The following AMMECR1 variants were observed in gnomAD, a reference collection of about 807,000 sequenced individuals.
AMMECR1 encodes the protein nuclear protein AMMECR1.
A neutral mutation model predicts 22.5 loss-of-function variants in AMMECR1; 3 were observed. The ratio of observed to expected loss-of-function variants is 0.13; its 90% CI spans 0.06 to 0.35. AMMECR1 has a LOEUF of 0.35. Among genes scored for constraint, AMMECR1 ranks in the 10% least tolerant of loss-of-function variants. AMMECR1 has a pLI of 1.00. For missense variants in AMMECR1, 235 were observed against 278.7 expected (o/e 0.84, Z 1.12); for synonymous variants, 130 against 116.7 (o/e 1.11, Z -0.74).
intron 2 of AMMECR1, among the ~76,000 whole-genome samples, chrX:110,251,990 C>T (rs139450014): frequency 0.013 from 1,409 of 111,927 alleles, 21 homozygotes; most frequent in African/African-American, 0.043. Flanking sequence ...CTTCCTGAAG[C>T]AGAAATATAA....
At chrX:110,215,869 T>C (rs2067471029) in intron 3 of AMMECR1, among the ~76,000 whole-genome samples, 1 of 111,537 alleles carries the variant, frequency 9.0e-6, no homozygotes, top group East Asian at 2.8e-4. Context: ...CAAATCATGG[T>C]GAGAACCTTT....
intron 2 of AMMECR1, among the ~76,000 whole-genome samples, chrX:110,413,868 G>A (rs2068658978): frequency 9.0e-6 from 1 of 111,238 alleles, no homozygotes; most frequent in Admixed American, 9.5e-5. Context: ...TATGTGCCAG[G>A]CATATACTAC....
intron 2 of AMMECR1, among the ~76,000 whole-genome samples, chrX:110,350,599 T>C (rs187438767): frequency 8.9e-6 from 1 of 111,972 alleles, no homozygotes; most frequent in Non-Finnish European, 1.9e-5. Flanking sequence ...CATTCAGCAA[T>C]TTGCAGGAGA....
In AMMECR1 at chrX:110,417,599, T is replaced by G. The variant is rs928148110; in HGVS notation, c.-148+9059A>C. On this transcript the variant is annotated intron_variant, in intron 2 of 7. Coordinates refer to the AMMECR1 transcript ENST00000372057. The stretch of plus-strand genomic sequence containing the variant: ...TGGGTAAACTATTATCACTTCATTT[T>G]ATACACATGAGGAAACAGAGCCTCA... 3.6e-5 allele frequency among the ~76,000 whole-genome samples: 4 copies of G among 112,040 alleles called. No homozygotes were observed. The Admixed American group carries it at 3.8e-4, about 11-fold the overall frequency.
chrX:110,426,821 G>A (rs1418111569), intron 1 of AMMECR1: 2 of 111,914 alleles, frequency 1.8e-5, no homozygotes, highest in African/African-American at 3.3e-5. Context: ...TAGGGATTGA[G>A]TGGACAATGA....
intron 2 of AMMECR1, among the ~76,000 whole-genome samples, chrX:110,344,026 G>A (rs1186867779): frequency 1.3e-4 from 14 of 111,460 alleles, no homozygotes; most frequent in Admixed American, 2.9e-4. Context: ...AAAAGAGCCC[G>A]CATTGCCAAA....
At chrX:110,257,574 G>T (rs931122883) in intron 2 of AMMECR1, among the ~76,000 whole-genome samples, 1 of 111,520 alleles carries the variant, frequency 9.0e-6, no homozygotes, top group Non-Finnish European at 1.9e-5. Flanking sequence ...TGATTTACAC[G>T]CATCCCTATA....
intron 1 of AMMECR1, among the ~76,000 whole-genome samples, chrX:110,428,261 G>A (rs766336402): frequency 4.6e-4 from 51 of 111,483 alleles, no homozygotes; most frequent in East Asian, 1.7e-3. Context: ...CTAGGCTCCC[G>A]CAACAATCTA....
At chrX:110,400,466 G>T (rs1351523656) in intron 2 of AMMECR1, among the ~76,000 whole-genome samples, 2 of 109,821 alleles carry the variant, frequency 1.8e-5, no homozygotes, top group Non-Finnish European at 3.8e-5. Context: ...TCTTTTCTCT[G>T]CTCAGAAGTG....
At chrX:110,380,095 G>A (rs2068408222) in intron 2 of AMMECR1, among the ~76,000 whole-genome samples, 1 of 111,515 alleles carries the variant, frequency 9.0e-6, no homozygotes, top group African/African-American at 3.3e-5. Flanking sequence ...TCTGGTACAG[G>A]TGGTGTTTCA....
chrX:110,427,716 C>A (rs2068764294), intron 1 of AMMECR1, among the ~76,000 whole-genome samples: 1 of 112,278 alleles, frequency 8.9e-6, no homozygotes. Context: ...GTCCAAACTC[C>A]TTAGCTTGGC....
intron 1 of AMMECR1, among the ~76,000 whole-genome samples, chrX:110,300,939 A>G (rs1224154892): frequency 1.8e-5 from 2 of 111,542 alleles, no homozygotes; most frequent in African/African-American, 6.5e-5. Flanking sequence ...GTTTACAACA[A>G]CTGATTTAAA....
intron 2 of AMMECR1, among the ~76,000 whole-genome samples, chrX:110,363,002 C>G (rs73636957): frequency 0.04 from 4,519 of 111,990 alleles, 216 homozygotes; most frequent in African/African-American, 0.14. Context: ...GAAAAGGAAG[C>G]TAGCATTTCA....
intron 1 of AMMECR1, among the ~76,000 whole-genome samples, chrX:110,308,665 C>T (rs2068010190): frequency 9.0e-6 from 1 of 111,722 alleles, no homozygotes; most frequent in Non-Finnish European, 1.9e-5. Context: ...GTACCTACTC[C>T]TAACATCAAA....
At chrX:110,265,941 T>C (rs1193154571) in intron 1 of AMMECR1, among the ~76,000 whole-genome samples, 2 of 111,326 alleles carry the variant, frequency 1.8e-5, no homozygotes, top group Non-Finnish European at 3.8e-5. Context: ...AAGTAATATA[T>C]ACAAACCAGG....
intron 5 of AMMECR1, 29 bp from the exon 6 acceptor site, chrX:110,198,663 T>G: frequency 9.5e-7 from 1 of 1,050,200 alleles, no homozygotes. Context: ...AGAGAAAAGT[T>G]AACATTGAGA....
Position 110,266,432 on chromosome X carries a change from G to A in AMMECR1, c.474-1833C>T, listed in dbSNP as rs765781319. Among the ~76,000 whole-genome samples, 5 of 111,470 alleles carry A rather than the reference G, an allele frequency of 4.5e-5. No homozygotes were observed. The East Asian group carries it at 1.4e-3, about 32-fold the overall frequency. On this transcript the variant is annotated intron_variant, in intron 1 of 5. Transcript: ENST00000262844. The stretch of plus-strand genomic sequence containing the variant: ...TGGAGTCTTGCTCTGTTGCCAGGCT[G>A]AGTGCAGTGGTGCGATCTCAGCTCA...
chrX:110,207,035 T>C (rs747001697), intron 3 of AMMECR1, among the ~76,000 whole-genome samples: 7 of 111,738 alleles, frequency 6.3e-5, no homozygotes, highest in Admixed American at 1.9e-4. Flanking sequence ...GCCAGTCCAA[T>C]TGAAGTGAAT....
chrX:110,230,962 C>T (rs370141099), intron 2 of AMMECR1, among the ~76,000 whole-genome samples: 9 of 111,341 alleles, frequency 8.1e-5, no homozygotes, highest in African/African-American at 9.8e-5. Context: ...TGAAGTAAAG[C>T]GAGAAGACAA....
Sources: gnomAD v4.1 joint callset for allele counts (sites outside exome capture counted in the v4.1 genomes callset) on GRCh38, gnomAD v4.1.1 for gene constraint, MANE v1.5 for transcripts, NCBI Gene and HGNC (gene_info 2026-07-23, HGNC 2026-07-21) for gene names.